SPATA22: variants seen among roughly 807,000 people sequenced by gnomAD.
SPATA22 encodes the protein spermatogenesis associated 22.
A neutral mutation model predicts 47.8 loss-of-function variants in SPATA22; 29 were observed. The observed-to-expected ratio is 0.61, with a 90% CI of 0.45 to 0.83. The LOEUF (loss-of-function observed/expected upper bound fraction) is 0.83, where lower values mean the gene tolerates loss of function less well. Among genes scored for constraint, SPATA22 ranks in the 40% least tolerant of loss-of-function variants. The probability of loss-of-function intolerance (pLI) is 0.00; values close to 1 mark genes in which losing one functional copy is unlikely to be tolerated. For missense variants in SPATA22, 410 were observed against 421.7 expected (o/e 0.97, Z 0.24); for synonymous variants, 133 against 140.9 (o/e 0.94, Z 0.40).
At chr17:3,465,317 G>A (rs1253345949) in intron 3 of SPATA22, among the ~76,000 whole-genome samples, 3 of 151,960 alleles carry the variant, frequency 2.0e-5, no homozygotes, top group African/African-American at 7.3e-5. Flanking sequence ...GATGACAATG[G>A]CGGTTTTGTG....
upstream of SPATA22, among the ~76,000 whole-genome samples, chr17:3,474,844 C>T (rs2073498186): frequency 6.6e-6 from 1 of 152,158 alleles, no homozygotes; most frequent in East Asian, 1.9e-4. Context: ...AACAGAGAGG[C>T]ACCCTATTGT....
chr17:3,495,039 C>G (rs1423345394), intron 1 of SPATA22, among the ~76,000 whole-genome samples: 6 of 151,992 alleles, frequency 3.9e-5, no homozygotes. Context: ...CTCCTCAGAA[C>G]CCCCAGAATC....
chr17:3,471,839 T>C (rs1025641398), upstream of SPATA22: 2 of 985,314 alleles, frequency 2.0e-6, no homozygotes, highest in Non-Finnish European at 2.4e-6. Context: ...GCAGGCGCCG[T>C]GGACCGCGCA....
intron 1 of SPATA22, chr17:3,510,505 C>T (rs1041158535): frequency 6.6e-6 from 1 of 152,156 alleles, no homozygotes; most frequent in African/African-American, 2.4e-5. Flanking sequence ...GTGGCCATAA[C>T]GAGGCAAAAC....
At position 3,464,719 on chromosome 17, in the gene SPATA22, A is replaced by T. The variant is rs995903878; in HGVS notation, c.173-1952T>A. On this transcript the variant is annotated intron_variant, in intron 3 of 8. Coordinates refer to ENST00000572969, the MANE Select transcript of SPATA22 (RefSeq NM_001170698.2). Reference sequence around the variant, plus strand: ...CGTCTCTGCCCAGCCGCCCCATCTGAGAAGGGAGGAGACCCTCCGCCCGGC... The same window carrying T: ...CGTCTCTGCCCAGCCGCCCCATCTGTGAAGGGAGGAGACCCTCCGCCCGGC... Among the ~76,000 whole-genome samples, 13 of 138,272 alleles carry T rather than the reference A, an allele frequency of 9.4e-5. No individual in the cohort carries two copies. In the East Asian group the frequency reaches 2.7e-3, roughly 29 times the overall value. The allele number at this position is 138,272 out of a possible 152,430, so 90.7% of individuals were successfully genotyped here.
At position 3,500,480 on chromosome 17, in the gene SPATA22, G is replaced by A. The variant is rs1057117665; in HGVS notation, c.-74+12932C>T. The A allele has an allele frequency of 6.6e-5, 10 of 151,430 alleles. 1 individual carries two copies. In the South Asian group the frequency reaches 1.9e-3, roughly 28 times the overall value. The allele number at this position is 151,430 out of a possible 1,614,324, so 9.4% of individuals were successfully genotyped here. A position where few individuals can be genotyped will look rare whatever the true frequency, so the allele number is the denominator to read the frequency against. On this transcript the variant is annotated intron_variant, in intron 1 of 8. Coordinates refer to the SPATA22 transcript ENST00000541913. ...GGGTTAAAGCCAAAGCTCATTAACT[G>A]TTTCAAAAATCCTAAAACTCTTGTT...
Position 3,440,216 on chromosome 17 carries a change from AG to A in SPATA22, c.1022del (p.Thr341IlefsTer19). On this transcript the variant is annotated frameshift_variant, in exon 9 of 9. Coordinates refer to ENST00000572969, the MANE Select transcript of SPATA22 (RefSeq NM_001170698.2). LOFTEE classifies it high-confidence loss of function. ...CTGCAATTTTGACAAATGCCTGGAA[AG>A]TTTTTTGTTCAGAAACAGACGCCGG... ...VRPASVSEQK[T>X]FQAFVKIADV... 6.2e-7 allele frequency: 1 copy of A among 1,610,858 alleles called. No individual in the cohort carries two copies. The highest frequency in any genetic ancestry group is 8.5e-7 in the Non-Finnish European group (1 of 1,178,626).
intron 1 of SPATA22, 22 bp downstream of exon 1, chr17:3,471,660 G>C: frequency 2.0e-6 from 2 of 983,730 alleles, no homozygotes; most frequent in Non-Finnish European, 2.4e-6. Context: ...CACGGAGTGG[G>C]GGCAGTTTGG....
intron 1 of SPATA22, chr17:3,512,473 A>G (rs931228725): frequency 3.9e-5 from 6 of 152,268 alleles, no homozygotes; most frequent in Non-Finnish European, 5.9e-5. Flanking sequence ...GTTTGCCTCA[A>G]GCCAGATGAA....
upstream of SPATA22, among the ~76,000 whole-genome samples, chr17:3,472,696 G>C (rs564048447): frequency 2.0e-5 from 3 of 152,270 alleles, no homozygotes; most frequent in African/African-American, 4.8e-5. Flanking sequence ...TGTTGTTACC[G>C]TATCTTCTAA....
chr17:3,449,493 C>G (rs1368928490), intron 5 of SPATA22, among the ~76,000 whole-genome samples: 1 of 152,116 alleles, frequency 6.6e-6, no homozygotes, highest in Non-Finnish European at 1.5e-5. Context: ...GTAGTTGTAT[C>G]CAAGTGGTAA....
intron 5 of SPATA22, among the ~76,000 whole-genome samples, chr17:3,454,722 C>A (rs1260956810): frequency 1.3e-5 from 2 of 151,764 alleles, no homozygotes; most frequent in Admixed American, 6.6e-5. Context: ...GGGTTGGTTC[C>A]AAGTCTTTGC....
At chr17:3,477,418 A>G (rs146259907) in intron 1 of SPATA22, among the ~76,000 whole-genome samples, 1 of 152,308 alleles carries the variant, frequency 6.6e-6, no homozygotes, top group East Asian at 1.9e-4. Flanking sequence ...CTGTGGATAT[A>G]ATATGACTCC....
rs2072574966 is a variant in SPATA22, at chr17:3,440,485, C to T, written c.901-147G>A. On this transcript the variant is annotated intron_variant, in intron 8 of 8. Coordinates refer to ENST00000572969, the MANE Select transcript of SPATA22 (RefSeq NM_001170698.2). ...AGTCAGGGCCCCACTGCTAACAAGA[C>T]AATGATAGTTATTCACATATTGGTA... 8.8e-6 allele frequency: 5 copies of T among 568,958 alleles called. No homozygotes were observed. The Admixed American group carries it at 1.4e-4, about 16-fold the overall frequency. The allele number at this position is 568,958 out of a possible 1,614,324, so 35.2% of individuals were successfully genotyped here.
Position 3,471,778 on chromosome 17 carries a change from G to A in SPATA22, c.-170C>T. The stretch of plus-strand genomic sequence containing the variant: ...AACCGTCGTCCAGGCGGCCCCGTCA[G>A]CAACCGCCGCCCTTCCCGCCCGCGA... On this transcript the variant is annotated 5_prime_UTR_variant, in exon 1 of 9. Coordinates refer to ENST00000572969, the MANE Select transcript of SPATA22 (RefSeq NM_001170698.2). 1 of 985,614 alleles carries A rather than the reference G, an allele frequency of 1.0e-6. No individual in the cohort carries two copies. The highest frequency in any genetic ancestry group is 1.2e-6 in the Non-Finnish European group (1 of 830,080). The allele number at this position is 985,614 out of a possible 1,614,324, so 61.1% of individuals were successfully genotyped here. A position where few individuals can be genotyped will look rare whatever the true frequency, so the allele number is the denominator to read the frequency against.
rs149605858 is a variant in SPATA22, at chr17:3,495,546, GTTTGTT to G, written c.-74+17860_-74+17865del. Among the ~76,000 whole-genome samples the G allele has an allele frequency of 5.0e-3, 757 of 151,152 alleles. 10 individuals are homozygous for G. Among genetic ancestry groups the G allele is most frequent in the African/African-American group, 0.016 (663 of 41,114 alleles). ...ACCTGAAGAAGCAGCCTTAGGCAGT[GTTTGTT>G]TTTGTTTTTGTTTTTGTTTTTGTTT... On this transcript the variant is annotated intron_variant, in intron 1 of 8. Transcript: ENST00000541913.
chr17:3,453,910 G>A (rs923642908), intron 5 of SPATA22, among the ~76,000 whole-genome samples: 11 of 151,940 alleles, frequency 7.2e-5, no homozygotes, highest in East Asian at 5.8e-4. Context: ...TAAAAGGAGC[G>A]CAAATTGGAA....
chr17:3,490,441 C>T lies in SPATA22; in HGVS notation c.-73-21043G>A, dbSNP rs2073804996. ...CTATGTAAACAATTATTCCAACAGA[C>T]TGAGTTGAAATTGTTGTTGAGGAAT... On this transcript the variant is annotated intron_variant, in intron 1 of 8. Transcript: ENST00000541913. The surrounding 1 kb of genome is among the most constrained non-coding windows in gnomAD (Gnocchi z 4.6). Among the ~76,000 whole-genome samples, 7 of 152,124 alleles carry T rather than the reference C, an allele frequency of 4.6e-5. No homozygotes were observed. Among genetic ancestry groups the T allele is most frequent in the Admixed American group, 4.6e-4 (7 of 15,264 alleles).
At chr17:3,511,793 C>G (rs924755870) in intron 1 of SPATA22, 2 of 152,212 alleles carry the variant, frequency 1.3e-5, no homozygotes, top group Non-Finnish European at 2.9e-5. Context: ...GTCAAAGCAA[C>G]TCTGGATACG....
Sources: allele counts gnomAD v4.1 joint callset (sites outside exome capture counted in the v4.1 genomes callset), GRCh38; gene constraint gnomAD v4.1.1; non-coding constraint Gnocchi (gnomAD v3.1); transcripts MANE v1.5; gene names NCBI Gene and HGNC (gene_info 2026-07-23, HGNC 2026-07-21).